Variants in FCER1G observed in about 807,000 individuals in gnomAD.
FCER1G encodes the protein high affinity immunoglobulin epsilon receptor subunit gamma.
A neutral mutation model predicts 17.3 loss-of-function variants in FCER1G; 7 were observed. The ratio of observed to expected loss-of-function variants is 0.40; its 90% CI spans 0.23 to 0.76. FCER1G has a LOEUF of 0.76. FCER1G is among the 30% of genes least tolerant of loss of function. FCER1G has a pLI of 0.35. For synonymous variants in FCER1G, 35 were observed against 38.7 expected (o/e 0.90, Z 0.35); for missense variants, 87 against 97.7 (o/e 0.89, Z 0.46).
intron 4 of FCER1G, 24 bp from the exon 5 acceptor site, chr1:161,218,857 T>C (rs762381466): frequency 3.7e-6 from 6 of 1,610,052 alleles, no homozygotes; most frequent in Non-Finnish European, 5.1e-6. Context: ...CAGCTCCTGA[T>C]CGCCCTTTGA....
At chr1:161,216,412 A>C (rs985259164) in intron 1 of FCER1G, among the ~76,000 whole-genome samples, 2 of 130,752 alleles carry the variant, frequency 1.5e-5, no homozygotes, top group Non-Finnish European at 3.5e-5. Flanking sequence ...ACACACACAC[A>C]TATATATATA....
chr1:161,216,320 A>T (rs1488148345), intron 1 of FCER1G, among the ~76,000 whole-genome samples: 1 of 151,622 alleles, frequency 6.6e-6, no homozygotes, highest in Non-Finnish European at 1.5e-5. Flanking sequence ...TCAAAAAAAA[A>T]AAAAAGATTT....
intron 1 of FCER1G, 85 bp downstream of exon 1, chr1:161,215,455 G>T: frequency 8.2e-7 from 1 of 1,223,328 alleles, no homozygotes; most frequent in Non-Finnish European, 1.2e-6. Flanking sequence ...TCAAACACAG[G>T]TGAAGGAAGG....
At position 161,218,889 on chromosome 1, in the gene FCER1G, C is replaced by T. The variant is rs1666106651; in HGVS notation, c.207C>T (p.Ser69=). 1.2e-6 allele frequency: 2 copies of T among 1,613,774 alleles called. No individual in the cohort carries two copies. The highest frequency in any genetic ancestry group is 1.3e-5 in the African/African-American group (1 of 75,012). The change falls in exon 5 of 5, where the codon AGC becomes AGT. Residue 69 remains serine, a synonymous_variant. Transcript: ENST00000289902. ...TTGACTCCCATCTCCAGGGCCTGAG[C>T]ACCAGGAACCAGGAGACTTACGAGA... ...EKSDGVYTGL[S]TRNQETYETL... is the part of the protein sequence containing the mutation.
intron 1 of FCER1G, among the ~76,000 whole-genome samples, chr1:161,217,284 G>C (rs11265566): frequency 6.6e-6 from 1 of 151,958 alleles, no homozygotes; most frequent in Non-Finnish European, 1.5e-5. Context: ...GTGAGTAATA[G>C]GGCAGAGTAA....
intron 3 of FCER1G, 120 bp from the exon 4 acceptor site, chr1:161,218,583 G>A: frequency 1.0e-6 from 1 of 967,418 alleles, no homozygotes; most frequent in East Asian, 2.4e-5. Flanking sequence ...GTCCATGTGA[G>A]TGCCCTCTAG....
At chr1:161,218,784 T>C (rs1666103462) in intron 4 of FCER1G, 61 bp downstream of exon 4, 2 of 1,597,706 alleles carry the variant, frequency 1.3e-6, no homozygotes, top group Admixed American at 1.7e-5. Context: ...TTTTGAGCGA[T>C]CTTTGGAAGG....
At chr1:161,215,939 G>C (rs114495062) in intron 1 of FCER1G, among the ~76,000 whole-genome samples, 1,698 of 151,842 alleles carry the variant, frequency 0.011, 30 homozygotes, top group South Asian at 0.051. Flanking sequence ...TGGCCACATC[G>C]GTCTTGAACT....
chr1:161,217,385 C>CTTTTTTTTT (rs748410818), intron 1 of FCER1G, among the ~76,000 whole-genome samples: 7 of 121,386 alleles, frequency 5.8e-5, no homozygotes, highest in Non-Finnish European at 8.6e-5. Context: ...AACAGACACA[C>CTTTTTTTTT]TTTTTTTTTT....
At chr1:161,216,361 TACACACACACACACATACACAC>T (rs1365115368) in intron 1 of FCER1G, among the ~76,000 whole-genome samples, 2 of 137,498 alleles carry the variant, frequency 1.5e-5, no homozygotes, top group Non-Finnish European at 1.6e-5. Flanking sequence ...TCTATCTATA[TACACACACACACACATACACAC>T]ACACACACAC....
intron 3 of FCER1G, 59 bp from the exon 4 acceptor site, chr1:161,218,644 G>A: frequency 6.2e-7 from 1 of 1,600,746 alleles, no homozygotes; most frequent in Admixed American, 1.7e-5. Context: ...TGGGGCAGAT[G>A]CTGAGGGGCC....
At chr1:161,217,686 C>A (rs1230332606) in intron 1 of FCER1G, among the ~76,000 whole-genome samples, 1 of 152,066 alleles carries the variant, frequency 6.6e-6, no homozygotes, top group Non-Finnish European at 1.5e-5. Context: ...CTCAATGGTG[C>A]CTGAAGAACC....
Position 161,216,427 on chromosome 1 carries a change from T to TATAGAGAG in FCER1G, c.49+1058_49+1059insTAGAGAGA, listed in dbSNP as rs1553250803. Reference sequence around the variant, plus strand: ...ACACACACACATATATATATATATATAGAGAGAGAGAGAGAGAGAGAGATA... The same window carrying TATAGAGAG: ...ACACACACACATATATATATATATATATAGAGAGAGAGAGAGAGAGAGAGAGAGAGATA... On this transcript the variant is annotated intron_variant, in intron 1 of 4. Transcript: ENST00000289902. Among the ~76,000 whole-genome samples, 28 of 136,138 alleles carry TATAGAGAG rather than the reference T, an allele frequency of 2.1e-4. 1 individual carries two copies. The South Asian group carries it at 2.7e-3, about 13-fold the overall frequency. The allele number at this position is 136,138 out of a possible 152,430, so 89.3% of individuals were successfully genotyped here. A position where few individuals can be genotyped will look rare whatever the true frequency, so the allele number is the denominator to read the frequency against.
chr1:161,215,718 G>A (rs557217497), intron 1 of FCER1G, among the ~76,000 whole-genome samples: 41 of 152,046 alleles, frequency 2.7e-4, no homozygotes, highest in African/African-American at 8.7e-4. Flanking sequence ...TCAGGCTCCC[G>A]AGTAGCTGGG....
Position 161,218,090 on chromosome 1 carries a change from A to T in FCER1G, c.141+13A>T. 6.2e-7 allele frequency: 1 copy of T among 1,604,102 alleles called. No individual in the cohort carries two copies. The highest frequency in any genetic ancestry group is 8.5e-7 in the Non-Finnish European group (1 of 1,170,912). On this transcript the variant is annotated intron_variant, in intron 2 of 4. Transcript: ENST00000289902. ...CTGTCGACTGAAGGTAGCGCTGGGC[A>T]GGGTGGGGTAAGGGCTGGAAGGGGA...
At chr1:161,218,341 C>T (rs1306899629) in intron 3 of FCER1G, 65 bp downstream of exon 3, 2 of 1,427,546 alleles carry the variant, frequency 1.4e-6, no homozygotes, top group Non-Finnish European at 9.9e-7. Flanking sequence ...GGGGCTCTAG[C>T]CTGGGTTTCC....
At chr1:161,216,342 C>CTCTA (rs530290249) in intron 1 of FCER1G, among the ~76,000 whole-genome samples, 16 of 148,228 alleles carry the variant, frequency 1.1e-4, no homozygotes, top group East Asian at 3.9e-4. Context: ...ACATATATAT[C>CTCTA]TCTATCTATC....
At chr1:161,216,245 G>A (rs925903618) in intron 1 of FCER1G, among the ~76,000 whole-genome samples, 7 of 151,490 alleles carry the variant, frequency 4.6e-5, no homozygotes, top group African/African-American at 1.5e-4. Flanking sequence ...CCAGGAGGTG[G>A]AGGTTGCAGT....
At chr1:161,218,800 G>C (rs557760626) in intron 4 of FCER1G, 77 bp downstream of exon 4, 5 of 1,582,402 alleles carry the variant, frequency 3.2e-6, no homozygotes, top group Non-Finnish European at 4.3e-6. Flanking sequence ...GAAGGCCGGT[G>C]GGGGGAGGGG....
Sources: allele counts gnomAD v4.1 joint callset (sites outside exome capture counted in the v4.1 genomes callset), GRCh38; gene constraint gnomAD v4.1.1; transcripts MANE v1.5; gene names NCBI Gene and HGNC (gene_info 2026-07-23, HGNC 2026-07-21).